The following KCNC2 variants were observed in gnomAD, a reference collection of about 807,000 sequenced individuals.
KCNC2 encodes the protein voltage-gated potassium channel KCNC2.
A neutral mutation model predicts 44.5 loss-of-function variants in KCNC2; 21 were observed. The ratio of observed to expected loss-of-function variants is 0.47; its 90% confidence interval spans 0.33 to 0.68. The LOEUF (loss-of-function observed/expected upper bound fraction) is 0.68, where lower values mean the gene tolerates loss of function less well. Among genes scored for constraint, KCNC2 ranks in the 30% least tolerant of loss-of-function variants. The pLI is 0.01. For synonymous variants in KCNC2, 391 were observed against 339.1 expected, an observed-to-expected ratio of 1.15 and a Z score of -1.68; for missense variants, 589 against 826.2, an observed-to-expected ratio of 0.71 and a Z score of 3.52.
chr12:75,058,383 TATG>T (rs1320567548), intron 2 of KCNC2, among the ~76,000 whole-genome samples: 3 of 152,038 alleles, frequency 2.0e-5, no homozygotes, highest in Admixed American at 6.6e-5. Flanking sequence ...TTTGTCTTGG[TATG>T]ATATGAACTG....
At chr12:75,098,486 CTG>C (rs996874912) in intron 2 of KCNC2, among the ~76,000 whole-genome samples, 8 of 152,150 alleles carry the variant, frequency 5.3e-5, no homozygotes, top group South Asian at 2.1e-4. Context: ...TAGCCAGGCA[CTG>C]TGTCTCACTC....
At chr12:75,126,636 C>T (rs17114686) in intron 2 of KCNC2, among the ~76,000 whole-genome samples, 2,262 of 152,050 alleles carry the variant, frequency 0.015, 49 homozygotes, top group African/African-American at 0.051. Flanking sequence ...GTGGAAGGAA[C>T]AACAAGACAT....
At chr12:75,052,690 G>C (rs747870689) in intron 2 of KCNC2, among the ~76,000 whole-genome samples, 3 of 152,094 alleles carry the variant, frequency 2.0e-5, no homozygotes, top group Non-Finnish European at 4.4e-5. Flanking sequence ...ATTGGGAAGA[G>C]CTGAGACAGT....
chr12:75,208,750 T>C (rs562652420), intron 1 of KCNC2, among the ~76,000 whole-genome samples: 2 of 151,968 alleles, frequency 1.3e-5, no homozygotes, highest in East Asian at 1.9e-4. Context: ...AAAAAAAAAA[T>C]CTCTGCTGTT....
intron 2 of KCNC2, among the ~76,000 whole-genome samples, chr12:75,136,666 A>C (rs1447388252): frequency 2.6e-5 from 4 of 152,066 alleles, no homozygotes; most frequent in African/African-American, 9.7e-5. Flanking sequence ...AATAAGATAG[A>C]ATCAGTAATA....
chr12:75,159,692 T>C (rs1186709799), intron 2 of KCNC2, among the ~76,000 whole-genome samples: 2 of 151,880 alleles, frequency 1.3e-5, no homozygotes, highest in South Asian at 4.1e-4. Flanking sequence ...CTTACATATA[T>C]GGCTAGTATT....
intron 2 of KCNC2, among the ~76,000 whole-genome samples, chr12:75,081,788 T>C (rs1024116668): frequency 3.3e-5 from 5 of 152,028 alleles, no homozygotes; most frequent in East Asian, 1.9e-4. Flanking sequence ...TTAAAAAGCG[T>C]GATGAACATC....
chr12:75,079,310 T>G (rs552057924), intron 2 of KCNC2, among the ~76,000 whole-genome samples: 1 of 152,222 alleles, frequency 6.6e-6, no homozygotes, highest in East Asian at 1.9e-4. Context: ...AATTCTCCAG[T>G]GACCTTCCAT....
chr12:75,060,715 C>G (rs1297115813), intron 2 of KCNC2, among the ~76,000 whole-genome samples: 1 of 152,088 alleles, frequency 6.6e-6, no homozygotes, highest in Non-Finnish European at 1.5e-5. Flanking sequence ...AAGCAGTCTG[C>G]CTTCCTCAGC....
intron 2 of KCNC2, among the ~76,000 whole-genome samples, chr12:75,063,914 T>A (rs769201732): frequency 6.6e-6 from 1 of 152,134 alleles, no homozygotes. Flanking sequence ...ATGTGTTAAC[T>A]TTCACAATCA....
At chr12:75,045,742 A>G (rs1037189849) in intron 4 of KCNC2, among the ~76,000 whole-genome samples, 5 of 151,984 alleles carry the variant, frequency 3.3e-5, no homozygotes, top group Non-Finnish European at 7.4e-5. Context: ...GCTTTCTTAA[A>G]ACAACAAACA....
chr12:75,042,147 A>C lies in KCNC2; in HGVS notation c.*958T>G. ...TAAAATAAGGGGGTAAAAAAAAGAC[A>C]CAAGAGCTTTGGGTGATATTTGGCA... On this transcript the variant is annotated 3_prime_UTR_variant, in exon 5 of 5. Coordinates refer to ENST00000549446, the MANE Select transcript of KCNC2 (RefSeq NM_139137.4). The C allele has an allele frequency of 8.0e-7, 1 of 1,256,650 alleles. No homozygotes were observed. The highest frequency in any genetic ancestry group is 1.0e-6 in the Non-Finnish European group (1 of 996,212). The allele number at this position is 1,256,650 out of a possible 1,614,324, so 77.8% of individuals were successfully genotyped here.
intron 2 of KCNC2, among the ~76,000 whole-genome samples, chr12:75,175,939 A>G (rs755958800): frequency 1.3e-5 from 2 of 152,102 alleles, no homozygotes; most frequent in Non-Finnish European, 2.9e-5. Flanking sequence ...TTTGGAACAT[A>G]CTTATCCTAA....
In KCNC2 at chr12:75,083,577, A is replaced by C. The variant is rs749573511; in HGVS notation, c.688-32260T>G. On this transcript the variant is annotated intron_variant, in intron 2 of 4. Transcript: ENST00000549446. The stretch of plus-strand genomic sequence containing the variant: ...TAAAAATCTCCATCTTAGTTTCTTC[A>C]CATAAAATTGGGCTACAAATAATTT... Among the ~76,000 whole-genome samples, 3 of 151,980 alleles carry C rather than the reference A, an allele frequency of 2.0e-5. No individual in the cohort carries two copies. In the East Asian group the frequency reaches 5.8e-4, roughly 29 times the overall value.
intron 2 of KCNC2, among the ~76,000 whole-genome samples, chr12:75,076,123 A>C (rs1026041955): frequency 1.3e-5 from 2 of 151,888 alleles, no homozygotes; most frequent in African/African-American, 4.8e-5. Context: ...AATTTTATGA[A>C]AGCCACACAA....
chr12:75,202,361 A>G (rs2031353785), intron 2 of KCNC2, among the ~76,000 whole-genome samples: 1 of 151,834 alleles, frequency 6.6e-6, no homozygotes, highest in Non-Finnish European at 1.5e-5. Flanking sequence ...TTAATCAGGT[A>G]CTCTCTGATT....
chr12:75,042,455 A>G lies in KCNC2; in HGVS notation c.*650T>C, dbSNP rs1880020308. 2.6e-6 allele frequency: 4 copies of G among 1,536,044 alleles called. No homozygotes were observed. In the South Asian group the frequency reaches 4.9e-5, roughly 19 times the overall value. On this transcript the variant is annotated 3_prime_UTR_variant, in exon 5 of 5. Coordinates refer to ENST00000549446, the MANE Select transcript of KCNC2 (RefSeq NM_139137.4). The stretch of plus-strand genomic sequence containing the variant: ...AGTAAATCAATCAAGAAATTAAACT[A>G]TTTAAAACATATATTTCTTTCAAAT...
chr12:75,086,681 A>AAATATATATATATATATATATAT (rs1206456289), intron 2 of KCNC2, among the ~76,000 whole-genome samples: 4 of 54,206 alleles, frequency 7.4e-5, no homozygotes, highest in South Asian at 6.1e-4. Context: ...AAAAAAAAAA[A>AAATATATATATATATATATATAT]ATATATATAT....
At chr12:75,069,961 G>T (rs1592799833) in intron 2 of KCNC2, among the ~76,000 whole-genome samples, 2 of 152,206 alleles carry the variant, frequency 1.3e-5, no homozygotes, top group East Asian at 3.9e-4. Flanking sequence ...CAATTAACAG[G>T]ATCGAATTGG....
Sources: allele counts gnomAD v4.1 joint callset (sites outside exome capture counted in the v4.1 genomes callset), GRCh38; gene constraint gnomAD v4.1.1; transcripts MANE v1.5; gene names NCBI Gene and HGNC (gene_info 2026-07-23, HGNC 2026-07-21).